DPP4: variants seen among roughly 807,000 people sequenced by gnomAD.
DPP4 encodes the protein dipeptidyl peptidase 4.
Under a neutral mutation model 122.4 loss-of-function variants are expected in DPP4, and 93 were observed. The ratio of observed to expected loss-of-function variants is 0.76; its 90% confidence interval spans 0.64 to 0.90. The LOEUF (loss-of-function observed/expected upper bound fraction) is 0.90, where lower values mean the gene tolerates loss of function less well. DPP4 is among the 40% of genes least tolerant of loss of function. DPP4 has a pLI of 0.00. For missense variants in DPP4, 914 were observed against 907.3 expected (o/e 1.01, Z -0.09); for synonymous variants, 321 against 302.9 (o/e 1.06, Z -0.62).
chr2:162,020,499 T>G, intron 13 of DPP4, 82 bp downstream of exon 13: 1 of 1,154,428 alleles, frequency 8.7e-7, no homozygotes, highest in Middle Eastern at 2.9e-4. Flanking sequence ...TTGATCCACC[T>G]TACCAAATGA....
At chr2:162,062,897 G>A (rs75786194) in intron 2 of DPP4, among the ~76,000 whole-genome samples, 2,570 of 152,092 alleles carry the variant, frequency 0.017, 80 homozygotes, top group African/African-American at 0.059. Flanking sequence ...ACACAGGAGC[G>A]GAGGAGAGGG....
At position 161,998,153 on chromosome 2, in the gene DPP4, T is replaced by C. The variant is rs1701052624; in HGVS notation, c.2053-2781A>G. On this transcript the variant is annotated intron_variant, in intron 23 of 25. Coordinates refer to ENST00000360534, the MANE Select transcript of DPP4 (RefSeq NM_001935.4). The stretch of plus-strand genomic sequence containing the variant: ...GTGACTACGCAAGTGACGTATAGCC[T>C]AATGGGGCAATAGAACTCTGAGCAA... Among the ~76,000 whole-genome samples the C allele has an allele frequency of 3.3e-5, 5 of 152,132 alleles. No individual in the cohort carries two copies. In the South Asian group the frequency reaches 1.0e-3, roughly 32 times the overall value.
chr2:162,055,918 C>T (rs572373067), intron 2 of DPP4, among the ~76,000 whole-genome samples: 2 of 152,258 alleles, frequency 1.3e-5, no homozygotes, highest in African/African-American at 4.8e-5. Context: ...TTCTCCTCCT[C>T]TTTTGCCTTT....
At chr2:161,993,573 G>A (rs564012511) in intron 25 of DPP4, among the ~76,000 whole-genome samples, 189 bp from the exon 26 acceptor site, 3 of 152,134 alleles carry the variant, frequency 2.0e-5, no homozygotes, top group Non-Finnish European at 4.4e-5. Context: ...GCTTTTCCAG[G>A]GCACGTTGTT....
chr2:162,029,963 C>T (rs2106113436), intron 10 of DPP4, among the ~76,000 whole-genome samples: 1 of 152,290 alleles, frequency 6.6e-6, no homozygotes, highest in South Asian at 2.1e-4. Context: ...ATCCACCCAT[C>T]CATCCATCCT....
intron 2 of DPP4, among the ~76,000 whole-genome samples, chr2:162,067,212 T>G (rs1684977212): frequency 6.6e-6 from 1 of 152,186 alleles, no homozygotes; most frequent in Non-Finnish European, 1.5e-5. Context: ...ATGAAACTTA[T>G]GGACATGAGT....
At position 162,071,065 on chromosome 2, in the gene DPP4, T is replaced by C. The variant is rs558252819; in HGVS notation, c.94+2334A>G. Among the ~76,000 whole-genome samples, 7 of 152,096 alleles carry C rather than the reference T, an allele frequency of 4.6e-5. No individual in the cohort carries two copies. The South Asian group carries it at 1.5e-3, about 32-fold the overall frequency. On this transcript the variant is annotated intron_variant, in intron 2 of 25. Coordinates refer to ENST00000360534, the MANE Select transcript of DPP4 (RefSeq NM_001935.4). Reference sequence around the variant, plus strand: ...AGTGTCCTGGGCCATTTCCCTCACTTCCCCCTCCAGTGTTGCTCCATTGCA... The same window carrying C: ...AGTGTCCTGGGCCATTTCCCTCACTCCCCCCTCCAGTGTTGCTCCATTGCA...
rs1683899680 is a variant in DPP4, at chr2:162,039,181, A to G, written c.370T>C (p.Trp124Arg). ...ILLEYNYVKQ[W>R]RHSYTASYDI... is the part of the protein sequence containing the mutation. ...TATGAAGCTGTGTAGGAATGCCTCCATTGCTATGAAAGAAAACAGACATTT... is the reference window on the plus strand; with the variant it reads ...TATGAAGCTGTGTAGGAATGCCTCCGTTGCTATGAAAGAAAACAGACATTT... The change falls in exon 6 of 26, where the codon TGG becomes CGG. Residue 124 changes from tryptophan (W) to arginine (R), a missense_variant. Physicochemically the swap from Trp to Arg is moderately radical, Grantham distance 101 (BLOSUM62 -3). Coordinates refer to ENST00000360534, the MANE Select transcript of DPP4 (RefSeq NM_001935.4). The G allele has an allele frequency of 3.1e-6, 5 of 1,612,368 alleles. No individual in the cohort carries two copies. The highest frequency in any genetic ancestry group is 1.3e-5 in the African/African-American group (1 of 74,868).
At chr2:162,021,279 A>C (rs1198711818) in intron 12 of DPP4, among the ~76,000 whole-genome samples, 1 of 152,174 alleles carries the variant, frequency 6.6e-6, no homozygotes, top group Admixed American at 6.5e-5. Context: ...AAGCCTTTTC[A>C]TTTTGTTAAA....
chr2:162,035,532 C>A (rs566317164), intron 8 of DPP4, among the ~76,000 whole-genome samples: 1 of 152,202 alleles, frequency 6.6e-6, no homozygotes, highest in African/African-American at 2.4e-5. Context: ...AAATAAGTAA[C>A]CCGTTGGACC....
intron 10 of DPP4, among the ~76,000 whole-genome samples, chr2:162,028,539 G>A (rs1362574267): frequency 6.6e-6 from 1 of 152,140 alleles, no homozygotes; most frequent in African/African-American, 2.4e-5. Flanking sequence ...AATGGTTTTG[G>A]TGGGGTAGAA....
chr2:162,019,719 G>C (rs1166433837), intron 14 of DPP4, among the ~76,000 whole-genome samples: 1 of 151,796 alleles, frequency 6.6e-6, no homozygotes, highest in Admixed American at 6.6e-5. Context: ...AAGCTACTTC[G>C]GGCGGCGGCA....
In DPP4 at chr2:162,019,215, G is replaced by A. The variant is rs200455613; in HGVS notation, c.1298+8C>T. The A allele has an allele frequency of 4.4e-6, 7 of 1,594,782 alleles. No homozygotes were observed. The highest frequency in any genetic ancestry group is 3.4e-5 in the South Asian group (3 of 89,044). ...TGACTCAAGTCAACAACTTGACAGA[G>A]CTCTTACTTATAAAGATTCCTTCCT... On this transcript the variant is annotated splice_region_variant and intron_variant, in intron 15 of 25. Coordinates refer to ENST00000360534, the MANE Select transcript of DPP4 (RefSeq NM_001935.4).
chr2:162,002,959 G>T (rs1269354526), intron 23 of DPP4, among the ~76,000 whole-genome samples: 2 of 152,204 alleles, frequency 1.3e-5, no homozygotes, highest in Non-Finnish European at 2.9e-5. Flanking sequence ...AGACAATTCA[G>T]TTAGTGCATT....
intron 23 of DPP4, among the ~76,000 whole-genome samples, chr2:161,996,415 G>A (rs1313610360): frequency 2.0e-5 from 3 of 152,150 alleles, no homozygotes; most frequent in African/African-American, 7.2e-5. Context: ...GAAAGCCAAG[G>A]TTTATATTTC....
At chr2:162,054,372 C>G (rs1193514669) in intron 2 of DPP4, among the ~76,000 whole-genome samples, 1 of 152,186 alleles carries the variant, frequency 6.6e-6, no homozygotes, top group Non-Finnish European at 1.5e-5. Context: ...ACTCTGGCCT[C>G]TAGCCTTCTG....
At chr2:162,021,295 TCAA>T (rs954507198) in intron 12 of DPP4, among the ~76,000 whole-genome samples, 4 of 152,314 alleles carry the variant, frequency 2.6e-5, no homozygotes, top group South Asian at 2.1e-4. Context: ...TTAAATATGA[TCAA>T]CAATTTACAA....
intron 14 of DPP4, among the ~76,000 whole-genome samples, chr2:162,019,633 T>C (rs1033448428): frequency 6.6e-6 from 1 of 151,978 alleles, no homozygotes; most frequent in African/African-American, 2.4e-5. Flanking sequence ...TTTTCTGTCT[T>C]ATAACATAAG....
rs202159507 is a variant in DPP4 at position 162,033,562 on chromosome 2, G to A, written c.866C>T (p.Ala289Val). Residue 289 changes from alanine to valine, a missense_variant, in exon 10 of 26, where the codon GCT becomes GTT. By Grantham distance (64) the Ala-to-Val change is moderately conservative. Coordinates refer to ENST00000360534, the MANE Select transcript of DPP4 (RefSeq NM_001935.4). ...VTNATSIQITAPASMLIGDHY... is the reference protein window; with the variant it reads ...VTNATSIQITVPASMLIGDHY... ...TTACCCTATCAACATAGAAGCAGGA[G>A]CAGTGATTTGTATGGAAGTTGCATT... is the stretch of plus-strand genomic sequence containing the variant. 88 of 1,612,586 alleles carry A rather than the reference G, an allele frequency of 5.5e-5. No individual in the cohort carries two copies. Among genetic ancestry groups the A allele is most frequent in the Middle Eastern group, 1.6e-4 (1 of 6,076 alleles).
Sources: gnomAD v4.1 joint callset for allele counts (sites outside exome capture counted in the v4.1 genomes callset) on GRCh38, gnomAD v4.1.1 for gene constraint, MANE v1.5 for transcripts, NCBI Gene and HGNC (gene_info 2026-07-23, HGNC 2026-07-21) for gene names.